The following TNNI3K variants were observed in gnomAD, a reference collection of about 807,000 sequenced individuals.
The protein encoded by TNNI3K is TNNI3 interacting kinase.
A neutral mutation model predicts 114.5 loss-of-function variants in TNNI3K; 140 were observed. That is an observed-to-expected ratio of 1.22 (90% CI 1.07 to 1.41). TNNI3K has a LOEUF of 1.41. TNNI3K is among the 40% of genes most tolerant of loss of function. The pLI is 0.00. For synonymous variants in TNNI3K, 347 were observed against 347.5 expected, an observed-to-expected ratio of 1.00 and a Z score of 0.02; for missense variants, 1,125 against 1,007.6, an observed-to-expected ratio of 1.12 and a Z score of -1.58.
At chr1:74,471,619 C>T in intron 21 of TNNI3K, 1 of 400,662 alleles carries the variant, frequency 2.5e-6, no homozygotes, top group Non-Finnish European at 4.4e-6. Context: ...CAGTTGGTTA[C>T]TTTGATTTTT....
chr1:74,467,744 T>C (rs934867102), intron 21 of TNNI3K, among the ~76,000 whole-genome samples: 3 of 152,146 alleles, frequency 2.0e-5, no homozygotes, highest in Non-Finnish European at 4.4e-5. Context: ...ATTCTTAATA[T>C]GTGGGCTGCA....
chr1:74,285,505 T>C (rs927709647), intron 5 of TNNI3K, among the ~76,000 whole-genome samples: 1 of 136,670 alleles, frequency 7.3e-6, no homozygotes, highest in Non-Finnish European at 1.6e-5. Context: ...CCTGAAGTTT[T>C]TCTATGCTCT....
chr1:74,278,764 C>G (rs1656829526), intron 5 of TNNI3K, among the ~76,000 whole-genome samples: 1 of 152,148 alleles, frequency 6.6e-6, no homozygotes, highest in African/African-American at 2.4e-5. Flanking sequence ...GTCAGTCCCA[C>G]CCAGCCCTCA....
At chr1:74,237,262 T>C (rs941656613) in intron 2 of TNNI3K, among the ~76,000 whole-genome samples, 3 of 151,942 alleles carry the variant, frequency 2.0e-5, no homozygotes, top group African/African-American at 4.8e-5. Context: ...ATACCACTGA[T>C]CTGACTTTTG....
intron 17 of TNNI3K, among the ~76,000 whole-genome samples, chr1:74,407,320 G>GTT (rs940905590): frequency 1.3e-5 from 2 of 152,080 alleles, no homozygotes; most frequent in Non-Finnish European, 2.9e-5. Flanking sequence ...TATCTTGGTT[G>GTT]TTTTGCTACT....
At chr1:74,542,145 A>G (rs1190249397) in intron 24 of TNNI3K, among the ~76,000 whole-genome samples, 1 of 152,206 alleles carries the variant, frequency 6.6e-6, no homozygotes, top group Non-Finnish European at 1.5e-5. Context: ...AATGACATCA[A>G]TAATAAATGC....
chr1:74,268,525 A>G (rs1656151432), intron 4 of TNNI3K, among the ~76,000 whole-genome samples: 1 of 151,762 alleles, frequency 6.6e-6, no homozygotes. Flanking sequence ...GAGGGAGTGG[A>G]GTTAGGAGGA....
chr1:74,353,193 G>A (rs1420593863), intron 9 of TNNI3K, 73 bp from the exon 10 acceptor site: 4 of 1,501,810 alleles, frequency 2.7e-6, no homozygotes, highest in Non-Finnish European at 3.6e-6. Flanking sequence ...TTTTCGAGGT[G>A]TAGGGGAGAG....
intron 9 of TNNI3K, among the ~76,000 whole-genome samples, chr1:74,350,836 C>T (rs12131873): frequency 4.6e-5 from 7 of 152,030 alleles, no homozygotes; most frequent in Admixed American, 2.6e-4. Flanking sequence ...TTCCTCCATC[C>T]CTTTATTTTG....
At chr1:74,262,236 G>C (rs1405161157) in intron 4 of TNNI3K, among the ~76,000 whole-genome samples, 1 of 151,988 alleles carries the variant, frequency 6.6e-6, no homozygotes, top group African/African-American at 2.4e-5. Flanking sequence ...GCTGTGGGAG[G>C]CTGTCCTTTG....
intron 5 of TNNI3K, among the ~76,000 whole-genome samples, chr1:74,285,776 C>G (rs1440870308): frequency 6.6e-6 from 1 of 152,102 alleles, no homozygotes; most frequent in African/African-American, 2.4e-5. Context: ...TATTTCTACT[C>G]TCCATAAAAG....
chr1:74,236,050 A>G (rs891282212), intron 1 of TNNI3K, 52 bp from the exon 2 acceptor site: 144 of 1,456,338 alleles, frequency 9.9e-5, no homozygotes, highest in Admixed American at 7.9e-4. Context: ...ATCTGTGTCT[A>G]CATTTTGCAA....
At chr1:74,440,871 A>T (rs1666349112) in intron 20 of TNNI3K, among the ~76,000 whole-genome samples, 1 of 152,066 alleles carries the variant, frequency 6.6e-6, no homozygotes, top group African/African-American at 2.4e-5. Flanking sequence ...ATATACAGAA[A>T]ATTGATTATA....
At chr1:74,251,234 A>T (rs1377176176) in intron 4 of TNNI3K, among the ~76,000 whole-genome samples, 1 of 152,188 alleles carries the variant, frequency 6.6e-6, no homozygotes, top group East Asian at 1.9e-4. Flanking sequence ...TTATTTTCTT[A>T]TATTAGCCCC....
chr1:74,490,157 C>G (rs1311661154), intron 22 of TNNI3K, among the ~76,000 whole-genome samples: 1 of 150,884 alleles, frequency 6.6e-6, no homozygotes, highest in African/African-American at 2.4e-5. Flanking sequence ...TGTCTCATGA[C>G]TCTTTGCTGG....
At chr1:74,447,444 G>A (rs1217426061) in intron 20 of TNNI3K, among the ~76,000 whole-genome samples, 3 of 146,000 alleles carry the variant, frequency 2.1e-5, no homozygotes, top group Non-Finnish European at 4.4e-5. Flanking sequence ...CAAAAAGTGG[G>A]CGAAGGACAT....
At chr1:74,540,672 C>T (rs550309063) in intron 24 of TNNI3K, among the ~76,000 whole-genome samples, 21 of 151,528 alleles carry the variant, frequency 1.4e-4, no homozygotes, top group Non-Finnish European at 2.2e-4. Flanking sequence ...TTATTAAGTC[C>T]GTTGCTTCTA....
chr1:74,384,898 G>T (rs1245183062), intron 17 of TNNI3K, among the ~76,000 whole-genome samples: 1 of 152,102 alleles, frequency 6.6e-6, no homozygotes, highest in Non-Finnish European at 1.5e-5. Flanking sequence ...CCAGAAGTTG[G>T]TCTCTGATAA....
chr1:74,329,196 A>G (rs1660070576), intron 5 of TNNI3K, among the ~76,000 whole-genome samples: 1 of 152,098 alleles, frequency 6.6e-6, no homozygotes, highest in Non-Finnish European at 1.5e-5. Context: ...TCTGCTCCCC[A>G]GAGGTTCAGT....
Sources: allele counts gnomAD v4.1 joint callset (sites outside exome capture counted in the v4.1 genomes callset), GRCh38; gene constraint gnomAD v4.1.1; transcripts MANE v1.5; gene names NCBI Gene and HGNC (gene_info 2026-07-23, HGNC 2026-07-21).